The following CAMK4 variants were observed in gnomAD, a reference collection of about 807,000 sequenced individuals.
The protein encoded by CAMK4 is calcium/calmodulin-dependent protein kinase type IV.
CAMK4 carries 22 observed loss-of-function variants against 44.9 expected under a neutral mutation model. The observed-to-expected ratio is 0.49, with a 90% confidence interval of 0.35 to 0.70. The LOEUF (loss-of-function observed/expected upper bound fraction) is 0.70, where lower values mean the gene tolerates loss of function less well. Among genes scored for constraint, CAMK4 ranks in the 30% least tolerant of loss-of-function variants. CAMK4 has a pLI of 0.01. For missense variants in CAMK4, 498 were observed against 586.8 expected (o/e 0.85, Z 1.56); for synonymous variants, 218 against 215.4 (o/e 1.01, Z -0.11).
Position 111,377,235 on chromosome 5 carries a change from TCTAAA to T in CAMK4, c.386+299_386+303del, listed in dbSNP as rs147681178. On this transcript the variant is annotated intron_variant, in intron 4 of 10. Coordinates refer to ENST00000282356, the MANE Select transcript of CAMK4 (RefSeq NM_001744.6). ...ATAGAATGTCTAAAATCAAATTAAA[TCTAAA>T]CTAAATAGTAAGATTTATGAGAATA... Among the ~76,000 whole-genome samples, 788 of 152,208 alleles carry T rather than the reference TCTAAA, an allele frequency of 5.2e-3. 8 individuals are homozygous for T. The highest frequency in any genetic ancestry group is 0.018 in the African/African-American group (750 of 41,526).
chr5:111,234,574 A>AG (rs1207289493), intron 1 of CAMK4, among the ~76,000 whole-genome samples: 1 of 152,198 alleles, frequency 6.6e-6, no homozygotes, highest in African/African-American at 2.4e-5. Flanking sequence ...CTGCTGGCTT[A>AG]GGCAGCTAAA....
chr5:111,408,470 A>G lies in CAMK4; in HGVS notation c.459+13688A>G, dbSNP rs531897256. Among the ~76,000 whole-genome samples the G allele has an allele frequency of 2.1e-4, 32 of 152,208 alleles. No homozygotes were observed. The South Asian group carries it at 3.3e-3, about 16-fold the overall frequency. On this transcript the variant is annotated intron_variant, in intron 5 of 10. Coordinates refer to ENST00000282356, the MANE Select transcript of CAMK4 (RefSeq NM_001744.6). ...TGGGAAAACCCCTCTGCATAATTCA[A>G]TTATCTCTAGCTGGCCCCACCCTTG...
intron 1 of CAMK4, among the ~76,000 whole-genome samples, chr5:111,315,083 G>A (rs372544607): frequency 2.2e-3 from 335 of 152,172 alleles, no homozygotes; most frequent in African/African-American, 7.6e-3. Flanking sequence ...GCTTATTGCC[G>A]AATTAGCTGG....
intron 7 of CAMK4, among the ~76,000 whole-genome samples, chr5:111,465,225 G>A (rs2112473604): frequency 6.6e-6 from 1 of 152,050 alleles, no homozygotes; most frequent in East Asian, 1.9e-4. Flanking sequence ...CAAATTCATA[G>A]CCTTAAATCC....
intron 8 of CAMK4, among the ~76,000 whole-genome samples, chr5:111,475,859 C>G (rs530694006): frequency 6.6e-6 from 1 of 152,138 alleles, no homozygotes; most frequent in Non-Finnish European, 1.5e-5. Context: ...ATTTAGTGGC[C>G]TGCTGGGCAC....
chr5:111,416,130 AT>A (rs1752806120), intron 5 of CAMK4, among the ~76,000 whole-genome samples: 1 of 152,180 alleles, frequency 6.6e-6, no homozygotes, highest in Non-Finnish European at 1.5e-5. Flanking sequence ...TTAGTTAAAT[AT>A]TTGCTGGAAT....
Position 111,362,933 on chromosome 5 carries a change from C to T in CAMK4, c.241-11917C>T, listed in dbSNP as rs185464926. 1.1e-3 allele frequency among the ~76,000 whole-genome samples: 174 copies of T among 152,186 alleles called. 1 individual carries two copies. The highest frequency in any genetic ancestry group is 4.1e-3 in the African/African-American group (171 of 41,552). On this transcript the variant is annotated intron_variant, in intron 2 of 10. Transcript: ENST00000282356. ...TCTCACCATTATCATTTTCTAATCT[C>T]TATCATTTCATTCTCTTTTAATCAC...
At chr5:111,348,123 A>T (rs1749941793) in intron 2 of CAMK4, among the ~76,000 whole-genome samples, 1 of 152,002 alleles carries the variant, frequency 6.6e-6, no homozygotes, top group Admixed American at 6.6e-5. Context: ...ACATTTTTCC[A>T]TGGGAGTTTA....
chr5:111,439,294 G>T (rs1753747784), intron 5 of CAMK4, among the ~76,000 whole-genome samples: 2 of 152,154 alleles, frequency 1.3e-5, no homozygotes, highest in African/African-American at 4.8e-5. Flanking sequence ...GTTAATGCTG[G>T]AAATTGGGAA....
intron 1 of CAMK4, among the ~76,000 whole-genome samples, chr5:111,258,740 CGTGTGT>C (rs201959904): frequency 0.072 from 9,957 of 139,232 alleles, 547 homozygotes; most frequent in Admixed American, 0.19. Flanking sequence ...GAGTTATCAG[CGTGTGT>C]GTGTGTGTGT....
rs931759347 is a variant in CAMK4 at position 111,482,785 on chromosome 5, G to A, written c.829G>A (p.Val277Ile). 6 of 1,603,426 alleles carry A rather than the reference G, an allele frequency of 3.7e-6. No individual in the cohort carries two copies. The highest frequency in any genetic ancestry group is 5.1e-6 in the Non-Finnish European group (6 of 1,176,868). Residue 277 changes from valine to isoleucine, a missense_variant and splice_region_variant, in exon 10 of 11, where the codon GTC becomes ATC. Val to Ile is a conservative substitution (Grantham distance 29). Coordinates refer to ENST00000282356, the MANE Select transcript of CAMK4 (RefSeq NM_001744.6). The surrounding 1 kb of genome is among the most constrained non-coding windows in gnomAD (Gnocchi z 4.9). ...DEVSLNAKDL[V>I]RKLIVLDPKK... ...AGTTTATGGTTCTTTATTATTTCAG[G>A]TCAGAAAATTAATTGTTTTGGATCC...
chr5:111,470,495 G>C (rs1219350624), intron 7 of CAMK4, among the ~76,000 whole-genome samples: 1 of 151,974 alleles, frequency 6.6e-6, no homozygotes, highest in Non-Finnish European at 1.5e-5. Context: ...GTCAAAAAAT[G>C]GTGAAAATGA....
chr5:111,299,213 T>C (rs1747617855), intron 1 of CAMK4, among the ~76,000 whole-genome samples: 1 of 152,270 alleles, frequency 6.6e-6, no homozygotes, highest in South Asian at 2.1e-4. Context: ...TAGTGCAGGC[T>C]CACAACTCCA....
chr5:111,477,209 T>C (rs1031863183), intron 8 of CAMK4, among the ~76,000 whole-genome samples: 2 of 152,148 alleles, frequency 1.3e-5, no homozygotes, highest in Admixed American at 6.5e-5. Flanking sequence ...GAGAACACAT[T>C]GGCCCAGGGG....
At chr5:111,408,106 C>T (rs558454384) in intron 5 of CAMK4, among the ~76,000 whole-genome samples, 1 of 145,560 alleles carries the variant, frequency 6.9e-6, no homozygotes, top group African/African-American at 2.8e-5. Context: ...GAGACTCCAT[C>T]AAAGAAAGAA....
intron 5 of CAMK4, among the ~76,000 whole-genome samples, chr5:111,397,461 A>G (rs771501654): frequency 6.6e-6 from 1 of 152,190 alleles, no homozygotes. Context: ...AACAAAAACA[A>G]TTGTGTAATA....
At chr5:111,286,668 A>G (rs1413517371) in intron 1 of CAMK4, among the ~76,000 whole-genome samples, 1 of 152,222 alleles carries the variant, frequency 6.6e-6, no homozygotes, top group Non-Finnish European at 1.5e-5. Flanking sequence ...CCTTATGCAG[A>G]TTTAGCTGCT....
intron 5 of CAMK4, among the ~76,000 whole-genome samples, chr5:111,419,274 A>G (rs1034805365): frequency 2.6e-5 from 4 of 152,112 alleles, no homozygotes; most frequent in African/African-American, 9.7e-5. Flanking sequence ...TCCTTCGCCC[A>G]CTTTTTGATG....
intron 1 of CAMK4, among the ~76,000 whole-genome samples, chr5:111,272,866 A>C (rs1750575716): frequency 6.6e-6 from 1 of 152,150 alleles, no homozygotes; most frequent in South Asian, 2.1e-4. Flanking sequence ...AGGACTATCG[A>C]TACCCAGTCG....
Sources: allele counts gnomAD v4.1 joint callset (sites outside exome capture counted in the v4.1 genomes callset), GRCh38; gene constraint gnomAD v4.1.1; non-coding constraint Gnocchi (gnomAD v3.1); transcripts MANE v1.5; gene names NCBI Gene and HGNC (gene_info 2026-07-23, HGNC 2026-07-21).